Variants in SNTB1 observed in about 807,000 individuals in gnomAD.
SNTB1 encodes the protein syntrophin beta 1, also known as beta-1-syntrophin.
A neutral mutation model predicts 48.9 loss-of-function variants in SNTB1; 36 were observed. That is an observed-to-expected ratio of 0.74 (90% CI 0.56 to 0.97). The LOEUF (loss-of-function observed/expected upper bound fraction) is 0.97, where lower values mean the gene tolerates loss of function less well. Ranked by LOEUF, SNTB1 falls within the 50% of genes least tolerant of loss-of-function variation. SNTB1 has a pLI of 0.00. For synonymous variants in SNTB1, 299 were observed against 294.6 expected (o/e 1.01, Z -0.15); for missense variants, 786 against 703.4 (o/e 1.12, Z -1.33).
rs77945083 is a variant in SNTB1 at position 120,795,450 on chromosome 8, C to T, written c.571+15823G>A. ...AGCTCTCTCTGTCCTGACCACACACCTAGAGGTGATCAAGAATTCATCTGA... is the reference window on the plus strand; with the variant it reads ...AGCTCTCTCTGTCCTGACCACACACTTAGAGGTGATCAAGAATTCATCTGA... On this transcript the variant is annotated intron_variant, in intron 1 of 6. Coordinates refer to ENST00000517992, the MANE Select transcript of SNTB1 (RefSeq NM_021021.4). Among the ~76,000 whole-genome samples, 1,265 of 152,066 alleles carry T rather than the reference C, an allele frequency of 8.3e-3. 16 individuals are homozygous for T. Among genetic ancestry groups the T allele is most frequent in the African/African-American group, 0.029 (1,197 of 41,488 alleles).
chr8:120,789,953 C>A (rs1227789543), intron 1 of SNTB1, among the ~76,000 whole-genome samples: 2 of 151,798 alleles, frequency 1.3e-5, no homozygotes, highest in Admixed American at 1.3e-4. Context: ...AGCTACAGAC[C>A]AATGTATTTG....
chr8:120,631,617 T>G (rs1446131699), intron 3 of SNTB1, among the ~76,000 whole-genome samples: 5 of 152,054 alleles, frequency 3.3e-5, no homozygotes, highest in Non-Finnish European at 7.4e-5. Flanking sequence ...GCACTCCAGG[T>G]CAACTTCAAG....
In SNTB1 at chr8:120,811,635, C is replaced by G; in HGVS notation, c.209G>C (p.Arg70Thr). 2 of 1,594,250 alleles carry G rather than the reference C, an allele frequency of 1.3e-6. No individual in the cohort carries two copies. The highest frequency in any genetic ancestry group is 1.7e-6 in the Non-Finnish European group (2 of 1,173,910). ...GCCCGGGTGCCCAGCCCCGGCGCCC[C>G]TGCAGAACGAGCCATTGGTGGCGGT... is the stretch of plus-strand genomic sequence containing the variant. ...IGTATNGSFC[R>T]GAGAGHPGAG... Residue 70 changes from arginine (R) to threonine (T), a missense_variant, in exon 1 of 7, where the codon AGG (arginine) becomes ACG (threonine). Arg to Thr is a moderately conservative substitution (Grantham distance 71). Coordinates refer to ENST00000517992, the MANE Select transcript of SNTB1 (RefSeq NM_021021.4).
At chr8:120,732,701 C>T (rs140117510) in intron 1 of SNTB1, among the ~76,000 whole-genome samples, 1 of 152,240 alleles carries the variant, frequency 6.6e-6, no homozygotes, top group Non-Finnish European at 1.5e-5. Flanking sequence ...AAAAATTTAG[C>T]TGGGCATGTT....
intron 1 of SNTB1, 36 bp downstream of exon 1, chr8:120,811,237 G>C (rs1820424349): frequency 1.3e-6 from 2 of 1,547,292 alleles, no homozygotes; most frequent in Non-Finnish European, 1.7e-6. Flanking sequence ...AGGTGTGTGC[G>C]CGCCCGGCGC....
chr8:120,676,881 C>A (rs982319686), intron 2 of SNTB1, among the ~76,000 whole-genome samples: 2 of 151,904 alleles, frequency 1.3e-5, no homozygotes, highest in African/African-American at 4.8e-5. Flanking sequence ...CATAGTGAGA[C>A]CCTGTCTCTA....
At chr8:120,602,634 T>C (rs1218243196) in intron 3 of SNTB1, among the ~76,000 whole-genome samples, 4 of 152,236 alleles carry the variant, frequency 2.6e-5, no homozygotes, top group African/African-American at 9.6e-5. Flanking sequence ...TGTTTCTATG[T>C]ATCTATCTAG....
chr8:120,688,871 G>T (rs1478215277), intron 2 of SNTB1, among the ~76,000 whole-genome samples: 2 of 152,184 alleles, frequency 1.3e-5, no homozygotes, highest in Admixed American at 6.5e-5. Flanking sequence ...GATTCCCTTG[G>T]CTAGCTAGGT....
At chr8:120,561,841 G>A (rs1815666353) in intron 4 of SNTB1, among the ~76,000 whole-genome samples, 1 of 152,144 alleles carries the variant, frequency 6.6e-6, no homozygotes, top group Non-Finnish European at 1.5e-5. Context: ...TACTATGTTG[G>A]CCACTAATAG....
intron 1 of SNTB1, among the ~76,000 whole-genome samples, chr8:120,708,972 A>G (rs61500490): frequency 0.15 from 23,432 of 152,148 alleles, 2,488 homozygotes; most frequent in African/African-American, 0.31. Context: ...GGAAGTCCTA[A>G]GCTGTGCTAA....
intron 2 of SNTB1, among the ~76,000 whole-genome samples, chr8:120,691,042 C>A (rs752190077): frequency 6.6e-6 from 1 of 151,906 alleles, no homozygotes; most frequent in Non-Finnish European, 1.5e-5. Flanking sequence ...GTGGACTTGA[C>A]GAGCACCAAT....
At chr8:120,786,399 A>G (rs899880004) in intron 1 of SNTB1, among the ~76,000 whole-genome samples, 1 of 152,176 alleles carries the variant, frequency 6.6e-6, no homozygotes, top group Admixed American at 6.5e-5. Context: ...CTCTAGCCCA[A>G]CGATCAGGCA....
chr8:120,716,034 T>C (rs1384250859), intron 1 of SNTB1, among the ~76,000 whole-genome samples: 1 of 152,190 alleles, frequency 6.6e-6, no homozygotes, highest in Non-Finnish European at 1.5e-5. Context: ...CTCAGTGTCA[T>C]AATGAGTGGT....
chr8:120,611,615 G>A (rs1455505791), intron 3 of SNTB1, among the ~76,000 whole-genome samples: 1 of 151,954 alleles, frequency 6.6e-6, no homozygotes, highest in African/African-American at 2.4e-5. Context: ...AAGGTCAGGA[G>A]ATCGAGACCA....
intron 4 of SNTB1, among the ~76,000 whole-genome samples, chr8:120,549,923 T>C (rs900269560): frequency 6.6e-6 from 1 of 152,218 alleles, no homozygotes; most frequent in East Asian, 1.9e-4. Flanking sequence ...CACTTTACAA[T>C]TTACTAGAGA....
rs10283229 is a variant in SNTB1 at position 120,791,545 on chromosome 8, T to C, written c.571+19728A>G. On this transcript the variant is annotated intron_variant, in intron 1 of 6. Transcript: ENST00000517992. ...AGAACATATTTGCAAAATATGCATC[T>C]GACAAAAGACTAATATCCAGAATCT... Among the ~76,000 whole-genome samples the C allele has an allele frequency of 2.4e-3, 358 of 152,158 alleles. 1 individual carries two copies. The highest frequency in any genetic ancestry group is 8.2e-3 in the African/African-American group (342 of 41,544).
chr8:120,655,002 C>T (rs1817474937), intron 2 of SNTB1: 1 of 455,634 alleles, frequency 2.2e-6, no homozygotes, highest in African/African-American at 2.0e-5. Context: ...ATTATGGTCG[C>T]CTTCAGTTCC....
intron 2 of SNTB1, among the ~76,000 whole-genome samples, chr8:120,645,989 G>C (rs12334998): frequency 0.4 from 59,739 of 149,144 alleles, 12,976 homozygotes; most frequent in Non-Finnish European, 0.49. Flanking sequence ...GTATAAGAAT[G>C]CTTGTGATTT....
intron 3 of SNTB1, among the ~76,000 whole-genome samples, chr8:120,611,316 G>A (rs1365265284): frequency 1.3e-5 from 2 of 151,456 alleles, no homozygotes; most frequent in African/African-American, 2.4e-5. Context: ...GGGAGAAGAA[G>A]CAAAATCAAA....
Sources: gnomAD v4.1 joint callset for allele counts (sites outside exome capture counted in the v4.1 genomes callset) on GRCh38, gnomAD v4.1.1 for gene constraint, MANE v1.5 for transcripts, NCBI Gene and HGNC (gene_info 2026-07-23, HGNC 2026-07-21) for gene names.